The following P4HA1 variants were observed in gnomAD, a reference collection of about 807,000 sequenced individuals.
The protein encoded by P4HA1 is prolyl 4-hydroxylase subunit alpha-1.
Under a neutral mutation model 72.8 loss-of-function variants are expected in P4HA1, and 24 were observed. The observed-to-expected ratio is 0.33, with a 90% confidence interval of 0.24 to 0.46. The LOEUF (loss-of-function observed/expected upper bound fraction) is 0.46. Among genes scored for constraint, P4HA1 ranks in the 20% least tolerant of loss-of-function variants. P4HA1 has a pLI of 1.00. For synonymous variants in P4HA1, 201 were observed against 218.8 expected, an observed-to-expected ratio of 0.92 and a Z score of 0.72; for missense variants, 446 against 640.6, an observed-to-expected ratio of 0.70 and a Z score of 3.28.
chr10:73,021,705 C>CACA, intron 10 of P4HA1, among the ~76,000 whole-genome samples: 1 of 152,216 alleles, frequency 6.6e-6, no homozygotes, highest in East Asian at 1.9e-4. Context: ...ACCCAGGAAG[C>CACA]ACAAGGAGTC....
intron 14 of P4HA1, among the ~76,000 whole-genome samples, chr10:73,009,379 C>CT (rs989273943): frequency 2.1e-4 from 32 of 152,314 alleles, no homozygotes; most frequent in African/African-American, 7.7e-4. Context: ...AACCTGGTAT[C>CT]TAACATGTTT....
intron 5 of P4HA1, among the ~76,000 whole-genome samples, chr10:73,062,868 T>TG (rs1393926296): frequency 2.0e-5 from 3 of 152,204 alleles, no homozygotes; most frequent in African/African-American, 7.2e-5. Flanking sequence ...AATGAGCTGT[T>TG]GAATTCCAGT....
chr10:73,066,695 C>G (rs1841431809), intron 5 of P4HA1, among the ~76,000 whole-genome samples: 1 of 152,080 alleles, frequency 6.6e-6, no homozygotes, highest in Non-Finnish European at 1.5e-5. Flanking sequence ...CCCCACCTAT[C>G]AAGGGCGGGA....
chr10:73,021,245 GAGAACAGTAC>G (rs1840128167), intron 10 of P4HA1, among the ~76,000 whole-genome samples: 1 of 152,178 alleles, frequency 6.6e-6, no homozygotes, highest in African/African-American at 2.4e-5. Context: ...AATCACTATG[GAGAACAGTAC>G]AGAGGTTCCC....
At chr10:73,022,680 G>A (rs776184188) in intron 10 of P4HA1, among the ~76,000 whole-genome samples, 3 of 151,994 alleles carry the variant, frequency 2.0e-5, no homozygotes, top group Non-Finnish European at 2.9e-5. Context: ...TCAGAAGGTC[G>A]GTAATAACAA....
Position 73,041,303 on chromosome 10 carries a change from G to A in P4HA1, c.1148+3678C>T, listed in dbSNP as rs548049751. The stretch of plus-strand genomic sequence containing the variant: ...CTCATGCTTGTAATCCCAGCACTTT[G>A]GGAGGCCGAGGCAGGCGGGTCACGA... On this transcript the variant is annotated intron_variant, in intron 9 of 14. Transcript: ENST00000394890. Among the ~76,000 whole-genome samples, 23 of 152,142 alleles carry A rather than the reference G, an allele frequency of 1.5e-4. No homozygotes were observed. The South Asian group carries it at 4.8e-3, about 32-fold the overall frequency.
At chr10:73,027,253 G>GAAT (rs1049594682) in intron 10 of P4HA1, among the ~76,000 whole-genome samples, 10 of 152,208 alleles carry the variant, frequency 6.6e-5, no homozygotes, top group Admixed American at 5.9e-4. Flanking sequence ...GTACACCATG[G>GAAT]AATACCATGC....
intron 1 of P4HA1, among the ~76,000 whole-genome samples, chr10:73,094,241 G>T (rs964186929): frequency 3.9e-5 from 6 of 152,054 alleles, no homozygotes; most frequent in Middle Eastern, 3.4e-3. Context: ...ATGTATTAGG[G>T]TCACCCACAT....
At chr10:73,059,784 A>T (rs1337375930) in intron 5 of P4HA1, among the ~76,000 whole-genome samples, 2 of 136,478 alleles carry the variant, frequency 1.5e-5, no homozygotes, top group South Asian at 2.1e-4. Flanking sequence ...AATAAAAAAT[A>T]AAAAAAAATA....
chr10:73,042,855 C>A (rs545271402), intron 9 of P4HA1, among the ~76,000 whole-genome samples: 1 of 152,188 alleles, frequency 6.6e-6, no homozygotes, highest in South Asian at 2.1e-4. Context: ...AAACATCCTA[C>A]AAAGCTGAAG....
chr10:73,031,936 T>C (rs1840442032), intron 9 of P4HA1, among the ~76,000 whole-genome samples: 1 of 152,194 alleles, frequency 6.6e-6, no homozygotes, highest in African/African-American at 2.4e-5. Flanking sequence ...TTAACATTCT[T>C]TCTAAACGCC....
chr10:73,080,107 G>C (rs1402891581), intron 1 of P4HA1, among the ~76,000 whole-genome samples: 2 of 152,156 alleles, frequency 1.3e-5, no homozygotes, highest in Non-Finnish European at 2.9e-5. Flanking sequence ...TGCAACTATT[G>C]CTTTGAATCT....
At chr10:73,022,205 C>A (rs1840152361) in intron 10 of P4HA1, among the ~76,000 whole-genome samples, 1 of 152,182 alleles carries the variant, frequency 6.6e-6, no homozygotes, top group Non-Finnish European at 1.5e-5. Context: ...GTCCCTGACC[C>A]CCGTGTAGCC....
At chr10:73,010,286 C>A (rs979189467) in intron 13 of P4HA1, among the ~76,000 whole-genome samples, 2 of 152,012 alleles carry the variant, frequency 1.3e-5, no homozygotes, top group African/African-American at 4.8e-5. Context: ...CAGTAATTTT[C>A]CCTTTGTTCC....
chr10:73,079,470 G>T (rs920828381), intron 1 of P4HA1, among the ~76,000 whole-genome samples: 1 of 150,198 alleles, frequency 6.7e-6, no homozygotes, highest in Non-Finnish European at 1.5e-5. Flanking sequence ...GGCCAGGAGC[G>T]GTGGCTCACG....
At chr10:73,035,813 T>C (rs1398165707) in intron 9 of P4HA1, among the ~76,000 whole-genome samples, 1 of 152,238 alleles carries the variant, frequency 6.6e-6, no homozygotes, top group Non-Finnish European at 1.5e-5. Flanking sequence ...TCAATCCTTT[T>C]ATTCTTTGTC....
chr10:73,091,162 T>A (rs904554081), intron 1 of P4HA1, among the ~76,000 whole-genome samples: 4 of 147,414 alleles, frequency 2.7e-5, no homozygotes, highest in Non-Finnish European at 1.5e-5. Flanking sequence ...GTTGCCTGAG[T>A]TTACCAAAAA....
At chr10:73,052,257 T>C (rs1385571443) in intron 6 of P4HA1, among the ~76,000 whole-genome samples, 1 of 151,568 alleles carries the variant, frequency 6.6e-6, no homozygotes, top group Non-Finnish European at 1.5e-5. Context: ...ATATAGAGAC[T>C]TCACTTGTGA....
At chr10:73,012,715 T>C (rs924337217) in intron 12 of P4HA1, among the ~76,000 whole-genome samples, 1 of 152,108 alleles carries the variant, frequency 6.6e-6, no homozygotes, top group Non-Finnish European at 1.5e-5. Context: ...AACAAAAAGA[T>C]GTAATTCAAA....
Sources: gnomAD v4.1 joint callset for allele counts (sites outside exome capture counted in the v4.1 genomes callset) on GRCh38, gnomAD v4.1.1 for gene constraint, MANE v1.5 for transcripts, NCBI Gene and HGNC (gene_info 2026-07-23, HGNC 2026-07-21) for gene names.